DCDC1: variants seen among roughly 807,000 people sequenced by gnomAD.
DCDC1 encodes the protein doublecortin domain containing 1, also known as doublecortin domain-containing protein 1.
In DCDC1, 200 loss-of-function variants were observed where a neutral mutation model predicts 178.3. The ratio of observed to expected loss-of-function variants is 1.12; its 90% CI spans 1.00 to 1.26. The LOEUF is 1.26. Ranked by LOEUF, DCDC1 falls within the 50% of genes most tolerant of loss-of-function variation. The pLI, the probability that DCDC1 is intolerant of heterozygous loss-of-function variation, is 0.00. For missense variants in DCDC1, 1,983 were observed against 1,749.2 expected, an observed-to-expected ratio of 1.13 and a Z score of -2.38; for synonymous variants, 690 against 604.8, an observed-to-expected ratio of 1.14 and a Z score of -2.07.
At chr11:31,289,013 T>A (rs865870354) in intron 7 of DCDC1, among the ~76,000 whole-genome samples, 7 of 152,140 alleles carry the variant, frequency 4.6e-5, no homozygotes, top group South Asian at 4.1e-4. Flanking sequence ...TATCATGAAT[T>A]TGTGAAAATT....
intron 2 of DCDC1, among the ~76,000 whole-genome samples, chr11:31,330,850 C>T (rs981305098): frequency 6.6e-6 from 1 of 152,138 alleles, no homozygotes; most frequent in African/African-American, 2.4e-5. Context: ...CAGCTTTGTT[C>T]TTTTTGCTTA....
intron 14 of DCDC1, 136 bp downstream of exon 14, chr11:31,103,507 TA>T (rs1958638456): frequency 3.6e-6 from 2 of 549,392 alleles, no homozygotes; most frequent in Admixed American, 3.6e-5. Flanking sequence ...AATAAGTCAA[TA>T]AAAGAAACAA....
chr11:31,258,010 A>G (rs7113880), intron 8 of DCDC1, among the ~76,000 whole-genome samples: 49,878 of 151,962 alleles, frequency 0.33, 8,878 homozygotes, highest in East Asian at 0.63. Flanking sequence ...CAACTGGGGA[A>G]TCACTTTTGA....
At chr11:31,028,537 T>C (rs1350455576) in intron 20 of DCDC1, among the ~76,000 whole-genome samples, 1 of 151,934 alleles carries the variant, frequency 6.6e-6, no homozygotes, top group African/African-American at 2.4e-5. Context: ...CTGTTTTCAT[T>C]ATTTACTCAC....
At chr11:30,883,898 T>G (rs1288528246) in intron 36 of DCDC1, among the ~76,000 whole-genome samples, 1 of 151,868 alleles carries the variant, frequency 6.6e-6, no homozygotes, top group Non-Finnish European at 1.5e-5. Flanking sequence ...TATCAGAACA[T>G]GATACGCCTG....
chr11:31,199,656 T>A (rs900218667), intron 9 of DCDC1, among the ~76,000 whole-genome samples: 8 of 152,170 alleles, frequency 5.3e-5, no homozygotes, highest in South Asian at 2.1e-4. Context: ...CTGATGTTGA[T>A]CCAGGAATTA....
chr11:31,162,705 T>A (rs1966417769), intron 9 of DCDC1, among the ~76,000 whole-genome samples: 2 of 152,182 alleles, frequency 1.3e-5, no homozygotes, highest in Non-Finnish European at 1.5e-5. Context: ...AAACCAGCAA[T>A]GTATTTCTGA....
intron 36 of DCDC1, among the ~76,000 whole-genome samples, chr11:30,884,447 TC>T (rs1942988855): frequency 6.6e-6 from 1 of 152,188 alleles, no homozygotes; most frequent in Non-Finnish European, 1.5e-5. Context: ...GAGAAACAGT[TC>T]CTTTAAAGGA....
chr11:31,079,974 T>C (rs1957079187), intron 17 of DCDC1, among the ~76,000 whole-genome samples: 1 of 152,250 alleles, frequency 6.6e-6, no homozygotes, highest in Admixed American at 6.5e-5. Context: ...TTAAATAAAA[T>C]ATCTTTCAGG....
At chr11:31,057,040 T>C (rs1368580423) in intron 20 of DCDC1, among the ~76,000 whole-genome samples, 2 of 152,050 alleles carry the variant, frequency 1.3e-5, no homozygotes, top group African/African-American at 4.8e-5. Context: ...GAGACCAGCC[T>C]GGCCAACATG....
At chr11:31,003,752 T>C (rs549011636) in intron 20 of DCDC1, among the ~76,000 whole-genome samples, 16 of 152,228 alleles carry the variant, frequency 1.1e-4, no homozygotes, top group South Asian at 2.1e-4. Flanking sequence ...AGGACCATTA[T>C]AGCCCAGGTT....
intron 1 of DCDC1, among the ~76,000 whole-genome samples, chr11:31,345,646 T>C (rs1950777329): frequency 6.6e-6 from 1 of 152,212 alleles, no homozygotes; most frequent in South Asian, 2.1e-4. Flanking sequence ...TATCTAATAA[T>C]ACTAAAATTA....
At chr11:30,937,811 C>T (rs538853552) in intron 21 of DCDC1, among the ~76,000 whole-genome samples, 1 of 152,228 alleles carries the variant, frequency 6.6e-6, no homozygotes, top group East Asian at 1.9e-4. Flanking sequence ...AGTGGACTTA[C>T]AGCCTCTCAG....
intron 32 of DCDC1, among the ~76,000 whole-genome samples, chr11:30,902,252 T>A (rs1944736049): frequency 6.6e-6 from 1 of 152,112 alleles, no homozygotes; most frequent in Non-Finnish European, 1.5e-5. Flanking sequence ...AAAAGAGGCT[T>A]CACACAGTGC....
intron 36 of DCDC1, among the ~76,000 whole-genome samples, chr11:30,886,081 A>G (rs1943142588): frequency 6.6e-6 from 1 of 152,150 alleles, no homozygotes; most frequent in Non-Finnish European, 1.5e-5. Context: ...ACCAACTTGT[A>G]AAATTGTATA....
At chr11:30,983,302 T>C (rs1244320097) in intron 20 of DCDC1, among the ~76,000 whole-genome samples, 1 of 152,210 alleles carries the variant, frequency 6.6e-6, no homozygotes, top group Non-Finnish European at 1.5e-5. Context: ...CCATTACATG[T>C]CTTTGCTTAC....
intron 9 of DCDC1, among the ~76,000 whole-genome samples, chr11:31,170,112 T>C (rs895178538): frequency 3.3e-5 from 5 of 152,158 alleles, no homozygotes; most frequent in African/African-American, 7.2e-5. Flanking sequence ...CTTTAGAAAG[T>C]AGAATGCACT....
At chr11:31,345,859 C>T (rs1950787046) in intron 1 of DCDC1, among the ~76,000 whole-genome samples, 1 of 152,104 alleles carries the variant, frequency 6.6e-6, no homozygotes, top group African/African-American at 2.4e-5. Flanking sequence ...AGAAAAATCA[C>T]CATTGCATAG....
intron 10 of DCDC1, among the ~76,000 whole-genome samples, chr11:31,128,322 T>C (rs1353918377): frequency 1.3e-5 from 2 of 152,170 alleles, no homozygotes; most frequent in Non-Finnish European, 2.9e-5. Context: ...CCTTGATTTT[T>C]AAATTTCTAG....
Sources: allele counts gnomAD v4.1 joint callset (sites outside exome capture counted in the v4.1 genomes callset), GRCh38; gene constraint gnomAD v4.1.1; transcripts MANE v1.5; gene names NCBI Gene and HGNC (gene_info 2026-07-23, HGNC 2026-07-21).